The following SCAF8 variants were observed in gnomAD, a reference collection of about 807,000 sequenced individuals.
SCAF8 encodes the protein SR-related CTD associated factor 8.
A neutral mutation model predicts 140.5 loss-of-function variants in SCAF8; 23 were observed. The observed-to-expected ratio is 0.16, with a 90% CI of 0.12 to 0.23. SCAF8 has a LOEUF of 0.23. Ranked by LOEUF, SCAF8 falls within the 10% of genes least tolerant of loss-of-function variation. The pLI is 1.00. For missense variants in SCAF8, 1,397 were observed against 1,555.7 expected (o/e 0.90, Z 1.72); for synonymous variants, 575 against 528.9 (o/e 1.09, Z -1.20).
intron 1 of SCAF8, chr6:154,741,934 TTTC>T: frequency 6.6e-7 from 1 of 1,515,260 alleles, no homozygotes; most frequent in Non-Finnish European, 8.9e-7. Context: ...TCTCAACATC[TTTC>T]TCTACTCCTC....
intron 1 of SCAF8, among the ~76,000 whole-genome samples, chr6:154,745,683 T>G (rs536734066): frequency 6.6e-6 from 1 of 152,338 alleles, no homozygotes; most frequent in East Asian, 1.9e-4. Context: ...GATACTTTGA[T>G]GCAAATACCT....
At chr6:154,746,859 T>G (rs1778712193) in intron 1 of SCAF8, among the ~76,000 whole-genome samples, 1 of 152,236 alleles carries the variant, frequency 6.6e-6, no homozygotes, top group African/African-American at 2.4e-5. Flanking sequence ...CATCCTTGTT[T>G]GCTATTTTTT....
chr6:154,805,280 TGAC>T, intron 8 of SCAF8, 86 bp from the exon 9 acceptor site: 1 of 706,318 alleles, frequency 1.4e-6, no homozygotes, highest in Non-Finnish European at 2.4e-6. Context: ...TTTATTGAAT[TGAC>T]TTTTTTGTTT....
In SCAF8 at chr6:154,824,280, C is replaced by T; in HGVS notation, c.1973C>T (p.Ala658Val). 1 of 1,614,074 alleles carries T rather than the reference C, an allele frequency of 6.2e-7. No homozygotes were observed. Among genetic ancestry groups the T allele is most frequent in the African/African-American group, 1.3e-5 (1 of 75,042 alleles). The part of the protein sequence containing the change: ...AVPTVSLVPP[A>V]FPVSMPVPPP... Reference sequence around the variant, plus strand: ...CCTACAGTTAGTTTAGTCCCACCAGCATTTCCTGTGTCGATGCCGGTTCCT... The same window carrying T: ...CCTACAGTTAGTTTAGTCCCACCAGTATTTCCTGTGTCGATGCCGGTTCCT... Residue 658 changes from alanine (A) to valine (V), a missense_variant, in exon 17 of 20, where the codon GCA becomes GTA. By Grantham distance (64) the Ala-to-Val change is moderately conservative (BLOSUM62 0). Transcript: ENST00000367178.
chr6:154,796,353 T>TTCCCTC lies in SCAF8; in HGVS notation c.606+1216_606+1217insCCTCTC, dbSNP rs772760237. On this transcript the variant is annotated intron_variant, in intron 6 of 19. Transcript: ENST00000367178. Reference sequence around the variant, plus strand: ...ATAATGATTCAGCATTGCAATCCTGTTCTCTCTCTCTCTCTCTCTCTCTCT... The same window carrying TTCCCTC: ...ATAATGATTCAGCATTGCAATCCTGTTCCCTCTCTCTCTCTCTCTCTCTCTCTCTCT... Among the ~76,000 whole-genome samples the TTCCCTC allele has an allele frequency of 2.4e-4, 18 of 75,238 alleles. No individual in the cohort carries two copies. The East Asian group carries it at 3.4e-3, about 14-fold the overall frequency. 49.4% of individuals were successfully genotyped at this position (75,238 alleles called of 152,430 possible).
chr6:154,744,060 C>A (rs1048408535), intron 1 of SCAF8, among the ~76,000 whole-genome samples: 6 of 152,104 alleles, frequency 3.9e-5, no homozygotes, highest in Admixed American at 3.3e-4. Flanking sequence ...TTTGGGAGGC[C>A]AAGGTGGGTG....
intron 17 of SCAF8, 54 bp downstream of exon 17, chr6:154,824,432 G>T: frequency 6.7e-7 from 1 of 1,502,110 alleles, no homozygotes; most frequent in African/African-American, 1.4e-5. Context: ...CATTTAAGTT[G>T]TGTTTCTTCC....
intron 17 of SCAF8, among the ~76,000 whole-genome samples, chr6:154,826,514 A>G (rs1018703535): frequency 5.3e-5 from 8 of 152,140 alleles, no homozygotes; most frequent in African/African-American, 1.4e-4. Flanking sequence ...TTTAGTCACT[A>G]TTTTCTAGTT....
chr6:154,757,317 A>G (rs539093491), intron 1 of SCAF8, among the ~76,000 whole-genome samples: 1 of 152,310 alleles, frequency 6.6e-6, no homozygotes, highest in Non-Finnish European at 1.5e-5. Flanking sequence ...TTTTATACCT[A>G]TGAATATTGG....
intron 7 of SCAF8, 148 bp from the exon 8 acceptor site, chr6:154,803,395 CT>C: frequency 1.5e-6 from 1 of 661,444 alleles, no homozygotes; most frequent in South Asian, 1.8e-5. Context: ...ACTCAAAACA[CT>C]TTATAATAGT....
chr6:154,812,638 G>T (rs1009422233), intron 12 of SCAF8, among the ~76,000 whole-genome samples: 1 of 152,054 alleles, frequency 6.6e-6, no homozygotes, highest in Admixed American at 6.6e-5. Flanking sequence ...GTTTTCATAC[G>T]ATTTATTGGT....
At chr6:154,785,172 A>G (rs1450907564) in intron 3 of SCAF8, among the ~76,000 whole-genome samples, 3 of 152,176 alleles carry the variant, frequency 2.0e-5, no homozygotes, top group Non-Finnish European at 4.4e-5. Flanking sequence ...TGTGGTGTGT[A>G]GCAGTATTCA....
At chr6:154,831,805 G>GT in intron 19 of SCAF8, 134 bp from the exon 20 acceptor site, 1 of 507,376 alleles carries the variant, frequency 2.0e-6, no homozygotes, top group Non-Finnish European at 3.3e-6. Context: ...TGACATTTCT[G>GT]TTTAACTTAA....
At chr6:154,771,232 G>T (rs1362446366) in intron 1 of SCAF8, among the ~76,000 whole-genome samples, 1 of 152,194 alleles carries the variant, frequency 6.6e-6, no homozygotes, top group Non-Finnish European at 1.5e-5. Flanking sequence ...CACAAAGAAA[G>T]CATAAAAGAG....
rs1028209837 is a variant in SCAF8, at chr6:154,792,925, G to C, written c.424G>C (p.Val142Leu). 2 of 1,613,762 alleles carry C rather than the reference G, an allele frequency of 1.2e-6. No homozygotes were observed. The highest frequency in any genetic ancestry group is 8.5e-7 in the Non-Finnish European group (1 of 1,179,918). The change falls in exon 5 of 20, where the codon GTT becomes CTT. Residue 142 changes from valine to leucine, a missense_variant. By Grantham distance (32) the Val-to-Leu change is conservative. Transcript: ENST00000367178. ...LDMAAGIPPP[V>L]VTPVLASTTT... ...TATGGCAGCCGGGATTCCGCCTCCA[G>C]TTGTCACACCTGTTTTGGCCAGCAC...
intron 1 of SCAF8, among the ~76,000 whole-genome samples, chr6:154,736,063 C>G (rs572081948): frequency 6.6e-6 from 1 of 151,920 alleles, no homozygotes; most frequent in South Asian, 2.1e-4. Context: ...TGGGCCCAAG[C>G]GGTCCTTTCA....
intron 18 of SCAF8, among the ~76,000 whole-genome samples, chr6:154,827,670 C>T (rs1356052097): frequency 6.6e-6 from 1 of 152,004 alleles, no homozygotes; most frequent in Non-Finnish European, 1.5e-5. Flanking sequence ...TTTGCATTTC[C>T]TGTAAAATGG....
At position 154,764,410 on chromosome 6, in the gene SCAF8, C is replaced by G. The variant is rs1275454776; in HGVS notation, c.31-9579C>G. 2.0e-5 allele frequency among the ~76,000 whole-genome samples: 3 copies of G among 151,720 alleles called. No homozygotes were observed. The East Asian group carries it at 5.8e-4, about 29-fold the overall frequency. The stretch of plus-strand genomic sequence containing the variant: ...ATTTCAATCTCTGAGGTCAGATGAG[C>G]ATAGAGAATTTGCACAAGTAAAGGG... On this transcript the variant is annotated intron_variant, in intron 1 of 19. Transcript: ENST00000367178.
At chr6:154,781,687 C>G (rs553509699) in intron 3 of SCAF8, among the ~76,000 whole-genome samples, 140 of 152,282 alleles carry the variant, frequency 9.2e-4, no homozygotes, top group African/African-American at 3.2e-3. Flanking sequence ...TTTAATCATT[C>G]ACTCATTGGG....
Sources: gnomAD v4.1 joint callset for allele counts (sites outside exome capture counted in the v4.1 genomes callset) on GRCh38, gnomAD v4.1.1 for gene constraint, MANE v1.5 for transcripts, NCBI Gene and HGNC (gene_info 2026-07-23, HGNC 2026-07-21) for gene names.